Variants in OLIG3 observed in about 807,000 individuals in gnomAD.
OLIG3 encodes the protein oligodendrocyte transcription factor 3.
A neutral mutation model predicts 14.7 loss-of-function variants in OLIG3; 12 were observed. The ratio of observed to expected loss-of-function variants is 0.82; its 90% CI spans 0.52 to 1.32. The LOEUF (loss-of-function observed/expected upper bound fraction) is 1.32. OLIG3 is among the 40% of genes most tolerant of loss of function. The pLI is 0.00. For synonymous variants in OLIG3, 192 were observed against 171.4 expected, an observed-to-expected ratio of 1.12 and a Z score of -0.94; for missense variants, 405 against 373.7, an observed-to-expected ratio of 1.08 and a Z score of -0.69.
rs899728282 is a variant in OLIG3, at chr6:137,493,170, T to C, written c.*182A>G. ...CCACCTAGAAATTGCGGTTTGATTT[T>C]GGTCCTTTCCCTCCGGGGGTCAAGT... is the stretch of plus-strand genomic sequence containing the variant. On this transcript the variant is annotated 3_prime_UTR_variant, in exon 1 of 1. Coordinates refer to ENST00000367734, the MANE Select transcript of OLIG3 (RefSeq NM_175747.2). This position sits in a 1 kb window ranked among gnomAD's most constrained non-coding sequence, Gnocchi z 6.1. 3.7e-6 allele frequency: 2 copies of C among 543,514 alleles called. No homozygotes were observed. The highest frequency in any genetic ancestry group is 2.6e-5 in the South Asian group (1 of 37,860). The allele number at this position is 543,514 out of a possible 1,614,324, so 33.7% of individuals were successfully genotyped here. A position where few individuals can be genotyped will look rare whatever the true frequency, so the allele number is the denominator to read the frequency against.
rs1242781051 is a variant in OLIG3 at position 137,493,662 on chromosome 6, T to C, written c.509A>G (p.His170Arg). Residue 170 changes from histidine (H) to arginine (R), a missense_variant, in exon 1 of 1, where the codon CAC becomes CGC. This residue lies in a region of OLIG3 where 230 missense variants were observed against 178.5 expected (regional missense o/e 1.29). Coordinates refer to ENST00000367734, the MANE Select transcript of OLIG3 (RefSeq NM_175747.2). This position sits in a 1 kb window ranked among gnomAD's most constrained non-coding sequence, Gnocchi z 6.1. ...CACGGAGTTGGCCGCGTGCGCGGGG[T>C]GGCCGGCCGAGTGGCCCACGGTCCC... ...HCGTVGHSAG[H>R]PAHAANSVHP... 22 of 1,609,400 alleles carry C rather than the reference T, an allele frequency of 1.4e-5. No homozygotes were observed. Among genetic ancestry groups the C allele is most frequent in the Non-Finnish European group, 1.9e-5 (22 of 1,179,510 alleles).
At position 137,493,317 on chromosome 6, in the gene OLIG3, C is replaced by A; in HGVS notation, c.*35G>T. 1 of 1,490,490 alleles carries A rather than the reference C, an allele frequency of 6.7e-7. No individual in the cohort carries two copies. The highest frequency in any genetic ancestry group is 1.3e-5 in the South Asian group (1 of 74,196). 92.3% of individuals were successfully genotyped at this position (1,490,490 alleles called of 1,614,324 possible). ...CGGCACCGCGGCCCCTCCCGCCGCT[C>A]TCCCTCCTCCTTGGCAGCCGGGCCC... On this transcript the variant is annotated 3_prime_UTR_variant, in exon 1 of 1. Transcript: ENST00000367734. The surrounding 1 kb of genome is among the most constrained non-coding windows in gnomAD (Gnocchi z 6.1).
Position 137,493,256 on chromosome 6 carries a change from G to A in OLIG3, c.*96C>T. The A allele has an allele frequency of 2.9e-6, 3 of 1,024,726 alleles. No homozygotes were observed. The highest frequency in any genetic ancestry group is 4.1e-6 in the Non-Finnish European group (3 of 739,150). The allele number at this position is 1,024,726 out of a possible 1,614,324, so 63.5% of individuals were successfully genotyped here. A position where few individuals can be genotyped will look rare whatever the true frequency, so the allele number is the denominator to read the frequency against. Reference sequence around the variant, plus strand: ...CGGGCCCCGGAGCCTGCCCTCCCGTGGGCCGAGCGTGCAGCCTCCCTCTTC... The same window carrying A: ...CGGGCCCCGGAGCCTGCCCTCCCGTAGGCCGAGCGTGCAGCCTCCCTCTTC... On this transcript the variant is annotated 3_prime_UTR_variant, in exon 1 of 1. Transcript: ENST00000367734. The surrounding 1 kb of genome is among the most constrained non-coding windows in gnomAD (Gnocchi z 6.1).
In OLIG3 at chr6:137,494,262, C is replaced by A; in HGVS notation, c.-92G>T. On this transcript the variant is annotated 5_prime_UTR_variant, in exon 1 of 1. Coordinates refer to ENST00000367734, the MANE Select transcript of OLIG3 (RefSeq NM_175747.2). Reference sequence around the variant, plus strand: ...TTAAAAAAAAAAAATCTGCACTGCCCAGGAACCCACTTCTCCGCGGCAAGA... The same window carrying A: ...TTAAAAAAAAAAAATCTGCACTGCCAAGGAACCCACTTCTCCGCGGCAAGA... 1 of 1,069,284 alleles carries A rather than the reference C, an allele frequency of 9.4e-7. No individual in the cohort carries two copies. Among genetic ancestry groups the A allele is most frequent in the African/African-American group, 1.6e-5 (1 of 63,134 alleles). 66.2% of individuals were successfully genotyped at this position (1,069,284 alleles called of 1,614,324 possible). A position where few individuals can be genotyped will look rare whatever the true frequency, so the allele number is the denominator to read the frequency against.
rs1420821716 is a variant in OLIG3, at chr6:137,493,237, C to T, written c.*115G>A. 3 of 843,406 alleles carry T rather than the reference C, an allele frequency of 3.6e-6. No individual in the cohort carries two copies. Among genetic ancestry groups the T allele is most frequent in the East Asian group, 3.1e-5 (1 of 32,368 alleles). 52.2% of individuals were successfully genotyped at this position (843,406 alleles called of 1,614,324 possible). A position where few individuals can be genotyped will look rare whatever the true frequency, so the allele number is the denominator to read the frequency against. On this transcript the variant is annotated 3_prime_UTR_variant, in exon 1 of 1. Coordinates refer to ENST00000367734, the MANE Select transcript of OLIG3 (RefSeq NM_175747.2). This position sits in a 1 kb window ranked among gnomAD's most constrained non-coding sequence, Gnocchi z 6.1. ...CAGACAGCGTGGGAGGCTGCGGGCCCCGGAGCCTGCCCTCCCGTGGGCCGA... is the reference window on the plus strand; with the variant it reads ...CAGACAGCGTGGGAGGCTGCGGGCCTCGGAGCCTGCCCTCCCGTGGGCCGA...
Position 137,492,439 on chromosome 6 carries a change from G to T in OLIG3, c.*913C>A, listed in dbSNP as rs890845643. 6.5e-6 allele frequency: 1 copy of T among 152,710 alleles called. No homozygotes were observed. Among genetic ancestry groups the T allele is most frequent in the Admixed American group, 6.5e-5 (1 of 15,286 alleles). The allele number at this position is 152,710 out of a possible 1,614,324, so 9.5% of individuals were successfully genotyped here. A position where few individuals can be genotyped will look rare whatever the true frequency, so the allele number is the denominator to read the frequency against. ...CCGCATGCAGAATAACTGAGCGAGG[G>T]GGGGTGGCGCAAGCTACTAGAGGGA... On this transcript the variant is annotated 3_prime_UTR_variant, in exon 1 of 1. Transcript: ENST00000367734.
In OLIG3 at chr6:137,493,167, T is replaced by G; in HGVS notation, c.*185A>C. On this transcript the variant is annotated 3_prime_UTR_variant, in exon 1 of 1. Transcript: ENST00000367734. This position sits in a 1 kb window ranked among gnomAD's most constrained non-coding sequence, Gnocchi z 6.1. ...CTACCACCTAGAAATTGCGGTTTGA[T>G]TTTGGTCCTTTCCCTCCGGGGGTCA... The G allele has an allele frequency of 1.1e-5, 6 of 531,202 alleles. No individual in the cohort carries two copies. Among genetic ancestry groups the G allele is most frequent in the East Asian group, 3.5e-5 (1 of 28,846 alleles). The allele number at this position is 531,202 out of a possible 1,614,324, so 32.9% of individuals were successfully genotyped here.
In OLIG3 at chr6:137,493,719, A is replaced by G; in HGVS notation, c.452T>C (p.Ile151Thr). The G allele has an allele frequency of 4.3e-6, 7 of 1,613,572 alleles. No individual in the cohort carries two copies. In the Middle Eastern group the frequency reaches 6.6e-4, roughly 152 times the overall value. ...LEEMKRLVGEIYGGHHSAFHC... is the reference protein window; with the variant it reads ...LEEMKRLVGETYGGHHSAFHC... ...AAAGGCCGAGTGGTGGCCCCCATAGATCTCGCCAACCAGCCTCTTCATCTC... is the reference window on the plus strand; with the variant it reads ...AAAGGCCGAGTGGTGGCCCCCATAGGTCTCGCCAACCAGCCTCTTCATCTC... Residue 151 changes from isoleucine to threonine, a missense_variant, in exon 1 of 1, where the codon ATC becomes ACC. This residue lies in a region of OLIG3 where 230 missense variants were observed against 178.5 expected (regional missense o/e 1.29). Coordinates refer to ENST00000367734, the MANE Select transcript of OLIG3 (RefSeq NM_175747.2). This position sits in a 1 kb window ranked among gnomAD's most constrained non-coding sequence, Gnocchi z 6.1.
rs377491902 is a variant in OLIG3, at chr6:137,494,196, C to T, written c.-26G>A. ...TTTATTACAGGGGATGCGGCCCTAC[C>T]GTGGGGAGGCTTTAGGCGGGAAATT... On this transcript the variant is annotated 5_prime_UTR_variant, in exon 1 of 1. Coordinates refer to ENST00000367734, the MANE Select transcript of OLIG3 (RefSeq NM_175747.2). 1 of 1,566,182 alleles carries T rather than the reference C, an allele frequency of 6.4e-7. No individual in the cohort carries two copies. The highest frequency in any genetic ancestry group is 1.2e-5 in the South Asian group (1 of 84,986).
rs745397916 is a variant in OLIG3 at position 137,494,113 on chromosome 6, T to G, written c.58A>C (p.Met20Leu). The G allele has an allele frequency of 2.4e-5, 39 of 1,613,340 alleles. No homozygotes were observed. The East Asian group carries it at 8.7e-4, about 36-fold the overall frequency. Residue 20 changes from methionine (M) to leucine (L), a missense_variant, in exon 1 of 1, where the codon ATG (methionine) becomes CTG (leucine). Physicochemically the swap from Met to Leu is conservative, Grantham distance 15. Around this residue, in one of 3 missense-constraint regions of OLIG3, gnomAD observed 165 missense variants for 165.5 expected, o/e 1.00. Coordinates refer to ENST00000367734, the MANE Select transcript of OLIG3 (RefSeq NM_175747.2). ...CGGTGGTGGTGGTCCCTCAGGTACA[T>G]CTCATCCATGTCCGGAGATGAAGCT... ...SRASSPDMDEMYLRDHHHRHH... is the reference protein window; with the variant it reads ...SRASSPDMDELYLRDHHHRHH...
In OLIG3 at chr6:137,493,619, G is replaced by C. The variant is rs367915764; in HGVS notation, c.552C>G (p.Ile184Met). The C allele has an allele frequency of 7.5e-6, 12 of 1,606,756 alleles. No homozygotes were observed. Among genetic ancestry groups the C allele is most frequent in the African/African-American group, 1.3e-5 (1 of 74,910 alleles). The change falls in exon 1 of 1, where the codon ATC becomes ATG. Residue 184 changes from isoleucine (I) to methionine (M), a missense_variant. Transcript: ENST00000367734. The surrounding 1 kb of genome is among the most constrained non-coding windows in gnomAD (Gnocchi z 6.1). ...TGCCAGATGAGAGCGCGCCGCCCAA[G>C]ATGGGGTGCACCGGGTGCACGGAGT... ...AANSVHPVHPILGGALSSGNA... is the reference protein window; with the variant it reads ...AANSVHPVHPMLGGALSSGNA...
In OLIG3 at chr6:137,493,904, G is replaced by A. The variant is rs143130950; in HGVS notation, c.267C>T (p.Asn89=). ...QDLQQLRLKI[N]GRERKRMHDL... ...CGTGCATCCGCTTGCGTTCGCGTCC[G>A]TTGATCTTCAGCCTCAACTGCTGTA... The change falls in exon 1 of 1, where the codon AAC becomes AAT. Residue 89 remains asparagine (N), a synonymous_variant. Transcript: ENST00000367734. This position sits in a 1 kb window ranked among gnomAD's most constrained non-coding sequence, Gnocchi z 6.1. 1,968 of 1,614,248 alleles carry A rather than the reference G, an allele frequency of 1.2e-3. 9 individuals carry two copies. The highest frequency in any genetic ancestry group is 7.3e-3 in the South Asian group (667 of 91,088).
chr6:137,494,288 C>A lies in OLIG3; in HGVS notation c.-118G>T, dbSNP rs966393023. ...AGGAACCCACTTCTCCGCGGCAAGACGTGAGAAGAAAAGCGGAGACGCTGC... is the reference window on the plus strand; with the variant it reads ...AGGAACCCACTTCTCCGCGGCAAGAAGTGAGAAGAAAAGCGGAGACGCTGC... On this transcript the variant is annotated 5_prime_UTR_variant, in exon 1 of 1. Transcript: ENST00000367734. 2.3e-6 allele frequency: 2 copies of A among 877,674 alleles called. No individual in the cohort carries two copies. Among genetic ancestry groups the A allele is most frequent in the Non-Finnish European group, 3.5e-6 (2 of 566,832 alleles). The allele number at this position is 877,674 out of a possible 1,614,324, so 54.4% of individuals were successfully genotyped here.
In OLIG3 at chr6:137,493,673, G is replaced by A; in HGVS notation, c.498C>T (p.His166=). ...CCGCGTGCGCGGGGTGGCCGGCCGAGTGGCCCACGGTCCCGCAGTGAAAGG... is the reference window on the plus strand; with the variant it reads ...CCGCGTGCGCGGGGTGGCCGGCCGAATGGCCCACGGTCCCGCAGTGAAAGG... The part of the protein sequence containing the change: ...HSAFHCGTVG[H]SAGHPAHAAN... The change falls in exon 1 of 1, where the codon CAC becomes CAT. Residue 166 remains histidine (H), a synonymous_variant. Transcript: ENST00000367734. This position sits in a 1 kb window ranked among gnomAD's most constrained non-coding sequence, Gnocchi z 6.1. 1 of 1,610,538 alleles carries A rather than the reference G, an allele frequency of 6.2e-7. No individual in the cohort carries two copies. Among genetic ancestry groups the A allele is most frequent in the Non-Finnish European group, 8.5e-7 (1 of 1,179,754 alleles).
rs1296733168 is a variant in OLIG3, at chr6:137,492,958, A to C, written c.*394T>G. On this transcript the variant is annotated 3_prime_UTR_variant, in exon 1 of 1. Coordinates refer to ENST00000367734, the MANE Select transcript of OLIG3 (RefSeq NM_175747.2). ...GGGATGGCCGTCTTTTTCCAAAGCGAGAACACAGAGTCAGAGAAAGCCAAC... is the reference window on the plus strand; with the variant it reads ...GGGATGGCCGTCTTTTTCCAAAGCGCGAACACAGAGTCAGAGAAAGCCAAC... 1.1e-5 allele frequency: 2 copies of C among 180,350 alleles called. No homozygotes were observed. Among genetic ancestry groups the C allele is most frequent in the Non-Finnish European group, 2.3e-5 (2 of 87,184 alleles). 11.2% of individuals were successfully genotyped at this position (180,350 alleles called of 1,614,324 possible).
At position 137,493,902 on chromosome 6, in the gene OLIG3, C is replaced by T. The variant is rs1400952435; in HGVS notation, c.269G>A (p.Gly90Glu). The change falls in exon 1 of 1, where the codon GGA (glycine) becomes GAA (glutamate). Residue 90 changes from glycine (G) to glutamate (E), a missense_variant. Physicochemically the swap from Gly to Glu is moderately conservative, Grantham distance 98. Coordinates refer to ENST00000367734, the MANE Select transcript of OLIG3 (RefSeq NM_175747.2). The surrounding 1 kb of genome is among the most constrained non-coding windows in gnomAD (Gnocchi z 6.1). ...GTCGTGCATCCGCTTGCGTTCGCGTCCGTTGATCTTCAGCCTCAACTGCTG... is the reference window on the plus strand; with the variant it reads ...GTCGTGCATCCGCTTGCGTTCGCGTTCGTTGATCTTCAGCCTCAACTGCTG... ...DLQQLRLKINGRERKRMHDLN... is the reference protein window; with the variant it reads ...DLQQLRLKINERERKRMHDLN... 1 of 1,614,154 alleles carries T rather than the reference C, an allele frequency of 6.2e-7. No homozygotes were observed. Among genetic ancestry groups the T allele is most frequent in the Non-Finnish European group, 8.5e-7 (1 of 1,180,058 alleles).
rs1783154676 is a variant in OLIG3, at chr6:137,493,596, C to A, written c.575G>T (p.Gly192Val). 1.2e-6 allele frequency: 2 copies of A among 1,601,264 alleles called. No individual in the cohort carries two copies. The highest frequency in any genetic ancestry group is 2.2e-5 in the East Asian group (1 of 44,456). The part of the protein sequence containing the change: ...HPILGGALSS[G>V]NASSPLSAAS... Reference sequence around the variant, plus strand: ...GGCGGACAGCGGTGACGAGGCGTTGCCAGATGAGAGCGCGCCGCCCAAGAT... The same window carrying A: ...GGCGGACAGCGGTGACGAGGCGTTGACAGATGAGAGCGCGCCGCCCAAGAT... Residue 192 changes from glycine to valine, a missense_variant, in exon 1 of 1, where the codon GGC becomes GTC. Gly to Val is a moderately radical substitution (Grantham distance 109, BLOSUM62 -3). Around this residue, in one of 3 missense-constraint regions of OLIG3, gnomAD observed 230 missense variants for 178.5 expected, o/e 1.29. Transcript: ENST00000367734. The surrounding 1 kb of genome is among the most constrained non-coding windows in gnomAD (Gnocchi z 6.1).
rs747322738 is a variant in OLIG3, at chr6:137,493,634, G to A, written c.537C>T (p.His179=). Residue 179 remains histidine, a synonymous_variant, in exon 1 of 1, where the codon CAC becomes CAT. Coordinates refer to ENST00000367734, the MANE Select transcript of OLIG3 (RefSeq NM_175747.2). The surrounding 1 kb of genome is among the most constrained non-coding windows in gnomAD (Gnocchi z 6.1). ...GHPAHAANSV[H]PVHPILGGAL... ...CGCCGCCCAAGATGGGGTGCACCGGGTGCACGGAGTTGGCCGCGTGCGCGG... is the reference window on the plus strand; with the variant it reads ...CGCCGCCCAAGATGGGGTGCACCGGATGCACGGAGTTGGCCGCGTGCGCGG... 3.5e-5 allele frequency: 56 copies of A among 1,608,066 alleles called. No individual in the cohort carries two copies. In the Admixed American group the frequency reaches 4.0e-4, roughly 12 times the overall value.
Position 137,492,556 on chromosome 6 carries a change from G to A in OLIG3, c.*796C>T, listed in dbSNP as rs1783131292. Reference sequence around the variant, plus strand: ...TGGGGGTGGGAGAAGAAGCGCGTGTGCGTGAGTGTGGGTCTTTGCACTCTG... The same window carrying A: ...TGGGGGTGGGAGAAGAAGCGCGTGTACGTGAGTGTGGGTCTTTGCACTCTG... On this transcript the variant is annotated 3_prime_UTR_variant, in exon 1 of 1. Transcript: ENST00000367734. The A allele has an allele frequency of 6.6e-6, 1 of 152,556 alleles. No individual in the cohort carries two copies. The highest frequency in any genetic ancestry group is 2.4e-5 in the African/African-American group (1 of 41,446). 9.5% of individuals were successfully genotyped at this position (152,556 alleles called of 1,614,324 possible).
Sources: allele counts gnomAD v4.1 joint callset, GRCh38; gene constraint gnomAD v4.1.1; regional missense constraint gnomAD v4.1.1; non-coding constraint Gnocchi (gnomAD v3.1); transcripts MANE v1.5; gene names NCBI Gene and HGNC (gene_info 2026-07-23, HGNC 2026-07-21).